The following TRPM3 variants were observed in gnomAD, a reference collection of about 807,000 sequenced individuals.
TRPM3 encodes the protein transient receptor potential cation channel subfamily M member 3.
A neutral mutation model predicts 181.2 loss-of-function variants in TRPM3; 77 were observed. The observed-to-expected ratio is 0.42, with a 90% CI of 0.35 to 0.51. TRPM3 has a LOEUF of 0.51. TRPM3 is among the 20% of genes least tolerant of loss of function. The pLI is 0.01. For missense variants in TRPM3, 1,759 were observed against 2,196.7 expected, an observed-to-expected ratio of 0.80 and a Z score of 3.98; for synonymous variants, 745 against 796.4, an observed-to-expected ratio of 0.94 and a Z score of 1.09.
At chr9:71,202,977 A>G (rs764648069) in intron 1 of TRPM3, among the ~76,000 whole-genome samples, 3 of 152,206 alleles carry the variant, frequency 2.0e-5, no homozygotes, top group Non-Finnish European at 4.4e-5. Context: ...GAAGTCCCCA[A>G]ATTGGCAAAT....
intron 9 of TRPM3, among the ~76,000 whole-genome samples, chr9:70,656,511 C>A (rs2060358525): frequency 6.6e-6 from 1 of 151,280 alleles, no homozygotes; most frequent in Admixed American, 6.6e-5. Context: ...TGAATGAGAA[C>A]AGCTTGGAGG....
In TRPM3 at chr9:71,190,714, A is replaced by C. The variant is rs1051390433; in HGVS notation, c.183+255939T>G. Among the ~76,000 whole-genome samples the C allele has an allele frequency of 1.2e-4, 19 of 152,024 alleles. 1 individual carries two copies. The highest frequency in any genetic ancestry group is 1.2e-3 in the Admixed American group (19 of 15,224). On this transcript the variant is annotated intron_variant, in intron 1 of 24. Transcript: ENST00000357533. ...CTTCCTTAAAACAGAAAACTATGAT[A>C]CAACTTATTGCAGGATGCCAAGCAT...
intron 1 of TRPM3, among the ~76,000 whole-genome samples, chr9:71,401,197 CA>C (rs59425467): frequency 0.011 from 1,208 of 105,774 alleles, 27 homozygotes; most frequent in African/African-American, 0.041. Flanking sequence ...GACACCATCG[CA>C]AAAAAAAAAA....
At chr9:71,063,461 G>A (rs1339234929) in intron 1 of TRPM3, among the ~76,000 whole-genome samples, 5 of 152,134 alleles carry the variant, frequency 3.3e-5, no homozygotes, top group African/African-American at 9.7e-5. Flanking sequence ...TGAAATGGCA[G>A]GACTGTGTTG....
chr9:70,681,441 A>T, intron 9 of TRPM3, 65 bp downstream of exon 9: 1 of 1,317,730 alleles, frequency 7.6e-7, no homozygotes, highest in Non-Finnish European at 1.1e-6. Context: ...TTATTAGGAG[A>T]CATAAGGTCA....
At chr9:71,057,646 T>C (rs1461462967) in intron 1 of TRPM3, among the ~76,000 whole-genome samples, 2 of 152,070 alleles carry the variant, frequency 1.3e-5, no homozygotes, top group East Asian at 1.9e-4. Flanking sequence ...TTGCCTTTTA[T>C]AGGTGAGAAA....
intron 7 of TRPM3, 38 bp from the exon 8 acceptor site, chr9:70,761,762 C>T: frequency 6.3e-7 from 1 of 1,581,788 alleles, no homozygotes; most frequent in Non-Finnish European, 8.6e-7. Flanking sequence ...GGTCAACCAA[C>T]TCCTATTCAG....
intron 1 of TRPM3, among the ~76,000 whole-genome samples, chr9:70,960,055 G>A (rs542117890): frequency 1.8e-4 from 27 of 151,650 alleles, no homozygotes; most frequent in East Asian, 1.7e-3. Flanking sequence ...TCTTGCCTGC[G>A]TGTTTGTGGG....
intron 1 of TRPM3, among the ~76,000 whole-genome samples, chr9:71,173,693 CA>C (rs535481453): frequency 8.4e-4 from 128 of 152,304 alleles, no homozygotes; most frequent in Admixed American, 2.9e-3. Flanking sequence ...TGGAGAGAGG[CA>C]CATTAGAAAC....
chr9:70,552,695 C>T (rs2046761210), intron 24 of TRPM3, 149 bp downstream of exon 24: 3 of 788,006 alleles, frequency 3.8e-6, no homozygotes, highest in Non-Finnish European at 6.5e-6. Flanking sequence ...TCAACTCCCT[C>T]ATCCCCCAAT....
At chr9:70,921,974 C>CACACACACACAT (rs1168237101) in intron 1 of TRPM3, among the ~76,000 whole-genome samples, 1 of 150,546 alleles carries the variant, frequency 6.6e-6, no homozygotes, top group African/African-American at 2.4e-5. Flanking sequence ...CACACACACA[C>CACACACACACAT]ATATAGTTAT....
chr9:70,878,833 A>G (rs1418261633), intron 1 of TRPM3, among the ~76,000 whole-genome samples: 1 of 152,072 alleles, frequency 6.6e-6, no homozygotes, highest in African/African-American at 2.4e-5. Context: ...TAGGCCCCCA[A>G]CGGAAGATCT....
intron 22 of TRPM3, among the ~76,000 whole-genome samples, chr9:70,577,513 C>T (rs1032384211): frequency 6.6e-6 from 1 of 152,194 alleles, no homozygotes; most frequent in African/African-American, 2.4e-5. Flanking sequence ...CTGTAATAGC[C>T]TCTCAACAAA....
At chr9:70,753,807 GAGGCATGATT>G (rs147429630) in intron 8 of TRPM3, among the ~76,000 whole-genome samples, 3,132 of 152,144 alleles carry the variant, frequency 0.021, 115 homozygotes, top group African/African-American at 0.07. Context: ...GCTTTGAGTG[GAGGCATGATT>G]CCCAGGTGTG....
chr9:71,381,548 G>A (rs1431176), intron 1 of TRPM3, among the ~76,000 whole-genome samples: 4,608 of 152,190 alleles, frequency 0.03, 103 homozygotes, highest in Middle Eastern at 0.065. Flanking sequence ...AAAATACGGT[G>A]GCACTAAAAT....
chr9:70,946,467 C>A (rs1001400210), intron 1 of TRPM3, among the ~76,000 whole-genome samples: 3 of 151,048 alleles, frequency 2.0e-5, no homozygotes, highest in African/African-American at 7.3e-5. Context: ...ATAATAACAG[C>A]AGCAATATTC....
intron 1 of TRPM3, among the ~76,000 whole-genome samples, chr9:71,191,897 C>A (rs1167102579): frequency 6.6e-6 from 1 of 151,474 alleles, no homozygotes; most frequent in East Asian, 1.9e-4. Flanking sequence ...AGGTTAATTA[C>A]CTTTGCCTTC....
chr9:71,188,517 A>G (rs1428772531), intron 1 of TRPM3, among the ~76,000 whole-genome samples: 1 of 151,910 alleles, frequency 6.6e-6, no homozygotes, highest in Non-Finnish European at 1.5e-5. Context: ...ATTTATTATT[A>G]TAAATACTAT....
chr9:71,285,328 T>A (rs2085189941), intron 1 of TRPM3, among the ~76,000 whole-genome samples: 1 of 152,204 alleles, frequency 6.6e-6, no homozygotes, highest in East Asian at 1.9e-4. Flanking sequence ...TAGCATCCAC[T>A]AGAGGGTCGT....
Sources: allele counts gnomAD v4.1 joint callset (sites outside exome capture counted in the v4.1 genomes callset), GRCh38; gene constraint gnomAD v4.1.1; transcripts MANE v1.5; gene names NCBI Gene and HGNC (gene_info 2026-07-23, HGNC 2026-07-21).